Variants in MCTP2 observed in about 807,000 individuals in gnomAD.
MCTP2 encodes the protein multiple C2 and transmembrane domain containing 2.
A neutral mutation model predicts 111.6 loss-of-function variants in MCTP2; 132 were observed. The observed-to-expected ratio is 1.18, with a 90% CI of 1.03 to 1.37. The LOEUF is 1.37. Among genes scored for constraint, MCTP2 ranks in the 40% most tolerant of loss-of-function variants. The probability of loss-of-function intolerance (pLI) is 0.00; values close to 1 mark genes in which losing one functional copy is unlikely to be tolerated. For missense variants in MCTP2, 1,183 were observed against 1,067.9 expected, an observed-to-expected ratio of 1.11 and a Z score of -1.50; for synonymous variants, 395 against 387.7, an observed-to-expected ratio of 1.02 and a Z score of -0.22.
chr15:94,356,491 A>G (rs3784657), intron 9 of MCTP2, among the ~76,000 whole-genome samples, 190 bp downstream of exon 9: 26,121 of 152,218 alleles, frequency 0.17, 2,750 homozygotes, highest in East Asian at 0.31. Flanking sequence ...TTAATTGCTT[A>G]GTACAGTTTA....
chr15:94,290,999 T>A (rs950734083), intron 1 of MCTP2, among the ~76,000 whole-genome samples: 1 of 152,184 alleles, frequency 6.6e-6, no homozygotes, highest in Non-Finnish European at 1.5e-5. Context: ...AGCAAGGACA[T>A]AGAAGAACTG....
chr15:94,399,637 A>T (rs1202074002), intron 15 of MCTP2: 1 of 277,300 alleles, frequency 3.6e-6, no homozygotes, highest in Non-Finnish European at 6.7e-6. Context: ...TAGTTTGAAA[A>T]ATTCATGAAC....
intron 1 of MCTP2, among the ~76,000 whole-genome samples, chr15:94,236,377 CTTTTT>C (rs71132992): frequency 0.11 from 7,927 of 72,234 alleles, 205 homozygotes; most frequent in South Asian, 0.17. Context: ...TCTTTTTTTT[CTTTTT>C]TTTTTTTTTT....
At chr15:94,349,020 T>C (rs890948380) in intron 8 of MCTP2, among the ~76,000 whole-genome samples, 4 of 152,096 alleles carry the variant, frequency 2.6e-5, no homozygotes, top group African/African-American at 9.7e-5. Context: ...CTCATCTATC[T>C]AATTTATCTA....
intron 1 of MCTP2, among the ~76,000 whole-genome samples, chr15:94,291,470 A>T (rs1341914055): frequency 6.6e-6 from 1 of 152,108 alleles, no homozygotes; most frequent in East Asian, 1.9e-4. Flanking sequence ...GAGTGGTGGC[A>T]TATGCCTGTA....
intron 1 of MCTP2, among the ~76,000 whole-genome samples, chr15:94,295,039 T>G (rs2075206272): frequency 2.2e-5 from 3 of 133,378 alleles, no homozygotes; most frequent in South Asian, 5.3e-4. Context: ...AACCTCCGCC[T>G]CCTCGGTTCA....
intron 1 of MCTP2, among the ~76,000 whole-genome samples, chr15:94,293,466 T>A (rs1228407445): frequency 1.3e-5 from 2 of 152,192 alleles, no homozygotes; most frequent in African/African-American, 4.8e-5. Flanking sequence ...CATCACACGT[T>A]ATTAGGAAAA....
At position 94,462,130 on chromosome 15, in the gene MCTP2, C is replaced by T. The variant is rs146875035; in HGVS notation, c.2360+3884C>T. 2.0e-3 allele frequency among the ~76,000 whole-genome samples: 307 copies of T among 152,252 alleles called. 1 individual carries two copies. The highest frequency in any genetic ancestry group is 6.9e-3 in the African/African-American group (288 of 41,546). ...AAGCCTTGGAAACAAGGAAATAATC[C>T]CATTGACACAAGGTCAGTGCAGTGG... On this transcript the variant is annotated intron_variant, in intron 20 of 22. Transcript: ENST00000357742.
intron 1 of MCTP2, among the ~76,000 whole-genome samples, chr15:94,291,820 TTCTC>T (rs72023475): frequency 0.021 from 3,209 of 152,290 alleles, 57 homozygotes; most frequent in Non-Finnish European, 0.028. Context: ...TTGGCAAACT[TTCTC>T]TCTATGTTTG....
intron 12 of MCTP2, among the ~76,000 whole-genome samples, chr15:94,378,720 A>G (rs1168704970): frequency 6.6e-6 from 1 of 152,226 alleles, no homozygotes; most frequent in East Asian, 1.9e-4. Flanking sequence ...CTGTCACAGC[A>G]AGGTGAGCAG....
intron 1 of MCTP2, among the ~76,000 whole-genome samples, chr15:94,245,769 G>A (rs1293217757): frequency 6.7e-6 from 1 of 149,796 alleles, no homozygotes; most frequent in Non-Finnish European, 1.5e-5. Context: ...TGAAGGCTTT[G>A]GAAGGTGAAA....
At chr15:94,472,707 C>T (rs1315316912) in intron 21 of MCTP2, among the ~76,000 whole-genome samples, 1 of 152,144 alleles carries the variant, frequency 6.6e-6, no homozygotes, top group Non-Finnish European at 1.5e-5. Flanking sequence ...GAAGAGCTTA[C>T]CATAGTGAAT....
Position 94,358,532 on chromosome 15 carries a change from C to A in MCTP2, c.1221C>A (p.His407Gln). 1 of 1,613,774 alleles carries A rather than the reference C, an allele frequency of 6.2e-7. No individual in the cohort carries two copies. ...AGTGGCAGGAACAGTTTGACTTTCA[C>A]TACTTCTCTGACAGGATGGGCATTT... ...NPQWQEQFDFHYFSDRMGILD... is the reference protein window; with the variant it reads ...NPQWQEQFDFQYFSDRMGILD... The change falls in exon 10 of 23, where the codon CAC (histidine) becomes CAA (glutamine). Residue 407 changes from histidine (H) to glutamine (Q), a missense_variant. By Grantham distance (24) the His-to-Gln change is conservative. Transcript: ENST00000357742.
At position 94,480,274 on chromosome 15, in the gene MCTP2, T is replaced by TA. The variant is rs974186120; in HGVS notation, c.*1247dup. On this transcript the variant is annotated 3_prime_UTR_variant, in exon 23 of 23. Coordinates refer to ENST00000357742, the MANE Select transcript of MCTP2 (RefSeq NM_001385001.1). Reference sequence around the variant, plus strand: ...GCAGTTTTTATGTATGTATGTATTATAAAAAAAGTTAAGGTTAAAAAGATC... The same window carrying TA: ...GCAGTTTTTATGTATGTATGTATTATAAAAAAAAGTTAAGGTTAAAAAGATC... 5.3e-5 allele frequency: 8 copies of TA among 152,068 alleles called. No individual in the cohort carries two copies. Among genetic ancestry groups the TA allele is most frequent in the East Asian group, 1.9e-4 (1 of 5,194 alleles). 9.4% of individuals were successfully genotyped at this position (152,068 alleles called of 1,614,324 possible). A position where few individuals can be genotyped will look rare whatever the true frequency, so the allele number is the denominator to read the frequency against.
chr15:94,274,980 G>A (rs11858500), intron 1 of MCTP2, among the ~76,000 whole-genome samples: 6,315 of 152,230 alleles, frequency 0.041, 178 homozygotes, highest in Non-Finnish European at 0.064. Context: ...TATCCCAGTG[G>A]AATTTATTTC....
At chr15:94,329,063 G>A (rs1446765158) in intron 4 of MCTP2, among the ~76,000 whole-genome samples, 3 of 152,156 alleles carry the variant, frequency 2.0e-5, no homozygotes, top group Non-Finnish European at 4.4e-5. Context: ...GGCAGAAGCT[G>A]CGTCATCTTT....
At chr15:94,303,754 C>G (rs1450105101) in intron 2 of MCTP2, among the ~76,000 whole-genome samples, 1 of 152,156 alleles carries the variant, frequency 6.6e-6, no homozygotes, top group Admixed American at 6.5e-5. Context: ...TCATTCTGTT[C>G]TACTGAAATC....
intron 12 of MCTP2, among the ~76,000 whole-genome samples, chr15:94,380,103 C>G (rs778349974): frequency 6.6e-6 from 1 of 151,964 alleles, no homozygotes; most frequent in Middle Eastern, 3.2e-3. Context: ...CTTTCATGCT[C>G]TCGTCTGCAT....
At chr15:94,315,124 T>A in intron 3 of MCTP2, among the ~76,000 whole-genome samples, 1 of 152,134 alleles carries the variant, frequency 6.6e-6, no homozygotes, top group African/African-American at 2.4e-5. Flanking sequence ...ATCTTACATC[T>A]GAACTTGGAA....
Sources: gnomAD v4.1 joint callset for allele counts (sites outside exome capture counted in the v4.1 genomes callset) on GRCh38, gnomAD v4.1.1 for gene constraint, MANE v1.5 for transcripts, NCBI Gene and HGNC (gene_info 2026-07-23, HGNC 2026-07-21) for gene names.